DNAJB11: variants seen among roughly 807,000 people sequenced by gnomAD.
The protein encoded by DNAJB11 is dnaJ homolog subfamily B member 11.
A neutral mutation model predicts 47.2 loss-of-function variants in DNAJB11; 30 were observed. The ratio of observed to expected loss-of-function variants is 0.64; its 90% CI spans 0.48 to 0.86. DNAJB11 has a LOEUF of 0.86. Ranked by LOEUF, DNAJB11 falls within the 40% of genes least tolerant of loss-of-function variation. The probability of loss-of-function intolerance (pLI) is 0.00; values close to 1 mark genes in which losing one functional copy is unlikely to be tolerated. For synonymous variants in DNAJB11, 151 were observed against 159.9 expected (o/e 0.94, Z 0.42); for missense variants, 357 against 440.2 (o/e 0.81, Z 1.69).
intron 7 of DNAJB11, among the ~76,000 whole-genome samples, chr3:186,583,305 G>C (rs1287903729): frequency 2.0e-5 from 3 of 152,216 alleles, no homozygotes; most frequent in Non-Finnish European, 4.4e-5. Context: ...GTTCCCACCA[G>C]AATATGGAGA....
At chr3:186,571,075 T>G in intron 1 of DNAJB11, 110 bp downstream of exon 1, 1 of 1,019,620 alleles carries the variant, frequency 9.8e-7, no homozygotes, top group Non-Finnish European at 1.4e-6. Flanking sequence ...GAGAGGGGCA[T>G]CGCTGTGGGT....
rs1715347985 is a variant in DNAJB11, at chr3:186,577,716, A to G, written c.372A>G (p.Gln124=). 6.2e-7 allele frequency: 1 copy of G among 1,608,428 alleles called. No homozygotes were observed. ...TGTTTGGAGGAACCCCTCGTCAGCA[A>G]GACAGAAATATTCCAAGAGGAAGTG... ...GFMFGGTPRQ[Q]DRNIPRGSDI... Residue 124 remains glutamine, a synonymous_variant, in exon 4 of 10, where the codon CAA becomes CAG. Transcript: ENST00000265028.
intron 2 of DNAJB11, among the ~76,000 whole-genome samples, chr3:186,572,528 G>A (rs1715119204): frequency 6.6e-6 from 1 of 152,188 alleles, no homozygotes; most frequent in Non-Finnish European, 1.5e-5. Flanking sequence ...TTTTAGTAGA[G>A]ACAGGGTTTC....
Position 186,577,782 on chromosome 3 carries a change from T to G in DNAJB11, c.438T>G (p.Tyr146Ter). Residue 146 changes from tyrosine to a stop codon, truncating the protein, a stop_gained, in exon 4 of 10, where the codon TAT becomes TAG. Transcript: ENST00000265028. LOFTEE classifies it high-confidence loss of function. ...VDLEVTLEEV[Y>*]AGNFVEVVRN... The stretch of plus-strand genomic sequence containing the variant: ...TAGAAGTCACTTTGGAAGAAGTATA[T>G]GCAGGAAATTTTGTGGAAGTAAGTT... 6.2e-7 allele frequency: 1 copy of G among 1,601,448 alleles called. No individual in the cohort carries two copies. Among genetic ancestry groups the G allele is most frequent in the Non-Finnish European group, 8.5e-7 (1 of 1,175,814 alleles).
chr3:186,577,562 G>T (rs1340569959), intron 3 of DNAJB11, 106 bp from the exon 4 acceptor site: 5 of 1,030,072 alleles, frequency 4.9e-6, no homozygotes, highest in South Asian at 1.9e-5. Flanking sequence ...TTTGCACAAT[G>T]CATTGATAGA....
At chr3:186,574,689 T>C (rs529282953) in intron 2 of DNAJB11, among the ~76,000 whole-genome samples, 17 of 152,330 alleles carry the variant, frequency 1.1e-4, no homozygotes, top group African/African-American at 3.8e-4. Flanking sequence ...TTCAAGGATA[T>C]CTTAAATGTT....
At chr3:186,571,055 T>C in intron 1 of DNAJB11, 90 bp downstream of exon 1, 2 of 1,126,606 alleles carry the variant, frequency 1.8e-6, no homozygotes, top group Middle Eastern at 2.3e-4. Flanking sequence ...ATTGCCAGAC[T>C]GACGGAGTGG....
Position 186,570,884 on chromosome 3 carries a change from G to A in DNAJB11, c.-14G>A. The A allele has an allele frequency of 1.2e-6, 2 of 1,602,690 alleles. No homozygotes were observed. Among genetic ancestry groups the A allele is most frequent in the Non-Finnish European group, 1.7e-6 (2 of 1,174,504 alleles). On this transcript the variant is annotated 5_prime_UTR_variant, in exon 1 of 10. Transcript: ENST00000265028. ...GTGAGGAGTGTGTGGAACAGGACCC[G>A]GGACAGAGGAACCATGGCTCCGCAG...
At chr3:186,572,354 TATTTA>T (rs771748692) in intron 2 of DNAJB11, 103 bp downstream of exon 2, 29 of 1,174,698 alleles carry the variant, frequency 2.5e-5, no homozygotes, top group South Asian at 5.2e-5. Flanking sequence ...TTTATTTATT[TATTTA>T]TTTTGAGACT....
chr3:186,581,065 G>A (rs751598201), intron 4 of DNAJB11: 13 of 247,178 alleles, frequency 5.3e-5, no homozygotes, highest in Non-Finnish European at 7.1e-5. Context: ...TAACTCAGTA[G>A]CATTTAGTTG....
rs1715665411 is a variant in DNAJB11, at chr3:186,585,718, G to T, written c.*310G>T. On this transcript the variant is annotated 3_prime_UTR_variant, in exon 10 of 10. Transcript: ENST00000265028. ...GAGCAAAAGAAACACAATATAGAGG[G>T]TTGGAGTTGTTAGCAATTTCATTCA... 1 of 172,472 alleles carries T rather than the reference G, an allele frequency of 5.8e-6. No homozygotes were observed. The highest frequency in any genetic ancestry group is 1.2e-5 in the Non-Finnish European group (1 of 81,040). The allele number at this position is 172,472 out of a possible 1,614,324, so 10.7% of individuals were successfully genotyped here.
At chr3:186,575,294 T>C (rs1465221212) in intron 2 of DNAJB11, among the ~76,000 whole-genome samples, 1 of 152,174 alleles carries the variant, frequency 6.6e-6, no homozygotes, top group Admixed American at 6.5e-5. Context: ...AAGATATCAG[T>C]GTAGGCCTCT....
At chr3:186,573,166 A>T (rs1715144369) in intron 2 of DNAJB11, among the ~76,000 whole-genome samples, 1 of 152,218 alleles carries the variant, frequency 6.6e-6, no homozygotes, top group African/African-American at 2.4e-5. Flanking sequence ...CATAGAGCTA[A>T]AACTCCTGAA....
In DNAJB11 at chr3:186,572,166, A is replaced by G; in HGVS notation, c.140A>G (p.Lys47Arg). Reference protein sequence around the residue: ...SIKDIKKAYRKLALQLHPDRN... With the variant: ...SIKDIKKAYRRLALQLHPDRN... ...AAGGATATTAAAAAGGCCTATAGGA[A>G]ACTAGCCCTGCAGCTTCATCCCGAC... The change falls in exon 2 of 10, where the codon AAA becomes AGA. Residue 47 changes from lysine (K) to arginine (R), a missense_variant. Transcript: ENST00000265028. The G allele has an allele frequency of 1.9e-6, 3 of 1,613,944 alleles. No individual in the cohort carries two copies. The highest frequency in any genetic ancestry group is 2.5e-6 in the Non-Finnish European group (3 of 1,179,946).
At position 186,570,848 on chromosome 3, in the gene DNAJB11, C is replaced by T; in HGVS notation, c.-50C>T. 1.3e-6 allele frequency: 2 copies of T among 1,552,288 alleles called. No individual in the cohort carries two copies. Among genetic ancestry groups the T allele is most frequent in the Non-Finnish European group, 1.7e-6 (2 of 1,143,992 alleles). ...GTGGGCTGGCGAGCCGACGCGGCGGCGGAGGAGGCTGTGAGGAGTGTGTGG... is the reference window on the plus strand; with the variant it reads ...GTGGGCTGGCGAGCCGACGCGGCGGTGGAGGAGGCTGTGAGGAGTGTGTGG... On this transcript the variant is annotated 5_prime_UTR_variant, in exon 1 of 10. Coordinates refer to ENST00000265028, the MANE Select transcript of DNAJB11 (RefSeq NM_016306.6).
chr3:186,572,494 A>C (rs1823216), intron 2 of DNAJB11, among the ~76,000 whole-genome samples: 2 of 152,188 alleles, frequency 1.3e-5, no homozygotes, highest in African/African-American at 4.8e-5. Flanking sequence ...GGTGCATGCC[A>C]CCACACCTGG....
chr3:186,582,089 A>G lies in DNAJB11; in HGVS notation c.682+12A>G. The G allele has an allele frequency of 1.9e-6, 3 of 1,604,002 alleles. No homozygotes were observed. The highest frequency in any genetic ancestry group is 8.5e-7 in the Non-Finnish European group (1 of 1,171,346). ...CTTTATTGGAGAAGGTGAAATATTG[A>G]TATTTGATTTTTTGATTGTGATAAC... On this transcript the variant is annotated intron_variant, in intron 6 of 9. Coordinates refer to ENST00000265028, the MANE Select transcript of DNAJB11 (RefSeq NM_016306.6).
Position 186,581,494 on chromosome 3 carries a change from G to A in DNAJB11, c.580G>A (p.Asp194Asn), listed in dbSNP as rs767579489. 1.7e-5 allele frequency: 27 copies of A among 1,613,042 alleles called. No individual in the cohort carries two copies. The highest frequency in any genetic ancestry group is 1.6e-4 in the Middle Eastern group (1 of 6,078). ...RFQMTQEVVCDECPNVKLVNE... is the reference protein window; with the variant it reads ...RFQMTQEVVCNECPNVKLVNE... ...CCAAATGACCCAGGAGGTGGTCTGC[G>A]ACGAATGCCCTAATGTCAAGTAAGT... The change falls in exon 5 of 10, where the codon GAC becomes AAC. Residue 194 changes from aspartate to asparagine, a missense_variant. Transcript: ENST00000265028.
intron 2 of DNAJB11, among the ~76,000 whole-genome samples, chr3:186,573,097 G>T (rs1342646426): frequency 6.6e-6 from 1 of 151,986 alleles, no homozygotes; most frequent in Non-Finnish European, 1.5e-5. Flanking sequence ...TTAGAGCTAG[G>T]CATATTTTTA....
Sources: allele counts gnomAD v4.1 joint callset (sites outside exome capture counted in the v4.1 genomes callset), GRCh38; gene constraint gnomAD v4.1.1; transcripts MANE v1.5; gene names NCBI Gene and HGNC (gene_info 2026-07-23, HGNC 2026-07-21).